ADGRE1: variants seen among roughly 807,000 people sequenced by gnomAD.
ADGRE1 encodes the protein adhesion G protein-coupled receptor E1.
A neutral mutation model predicts 102.7 loss-of-function variants in ADGRE1; 82 were observed. The ratio of observed to expected loss-of-function variants is 0.80; its 90% CI spans 0.67 to 0.96. The LOEUF (loss-of-function observed/expected upper bound fraction) is 0.96, where lower values mean the gene tolerates loss of function less well. ADGRE1 is among the 40% of genes least tolerant of loss of function. ADGRE1 has a pLI of 0.00. For missense variants in ADGRE1, 1,032 were observed against 1,085.3 expected, an observed-to-expected ratio of 0.95 and a Z score of 0.69; for synonymous variants, 398 against 399.6, an observed-to-expected ratio of 1.00 and a Z score of 0.05.
chr19:6,940,152 A>G lies in ADGRE1; in HGVS notation c.*123A>G. On this transcript the variant is annotated 3_prime_UTR_variant, in exon 21 of 21. Transcript: ENST00000312053. ...AAATGAGGATCCCACCAGCCCCAGAACCCTCTGGGGAAGAATGTTGGGGGC... is the reference window on the plus strand; with the variant it reads ...AAATGAGGATCCCACCAGCCCCAGAGCCCTCTGGGGAAGAATGTTGGGGGC... 3 of 1,166,442 alleles carry G rather than the reference A, an allele frequency of 2.6e-6. No homozygotes were observed. Among genetic ancestry groups the G allele is most frequent in the Non-Finnish European group, 3.8e-6 (3 of 799,732 alleles). 72.3% of individuals were successfully genotyped at this position (1,166,442 alleles called of 1,614,324 possible).
At chr19:6,925,013 T>G in intron 15 of ADGRE1, 141 bp downstream of exon 15, 2 of 758,872 alleles carry the variant, frequency 2.6e-6, no homozygotes, top group Non-Finnish European at 4.2e-6. Context: ...TAACACTCAC[T>G]TCCCAGCTTC....
intron 16 of ADGRE1, among the ~76,000 whole-genome samples, chr19:6,926,886 G>A (rs1452982911): frequency 1.3e-5 from 2 of 151,950 alleles, no homozygotes; most frequent in African/African-American, 4.8e-5. Context: ...CATGGGGGGT[G>A]GTGGGGGTGA....
In ADGRE1 at chr19:6,890,547, AGTT is replaced by A. The variant is rs1311813414; in HGVS notation, c.94+6_94+8del. On this transcript the variant is annotated splice_donor_5th_base_variant and intron_variant, in intron 2 of 20. Transcript: ENST00000312053. ...ACACGGAAACCAAACACAAAGGGTA[AGTT>A]GGCCAGAGAGAATGCAGATGCCTGA... 2.5e-6 allele frequency: 4 copies of A among 1,612,908 alleles called. No individual in the cohort carries two copies. The highest frequency in any genetic ancestry group is 1.7e-5 in the Admixed American group (1 of 59,734).
intron 10 of ADGRE1, among the ~76,000 whole-genome samples, chr19:6,912,152 A>G (rs908051863): frequency 5.3e-5 from 8 of 152,102 alleles, no homozygotes; most frequent in African/African-American, 1.4e-4. Flanking sequence ...GCATACATAG[A>G]CATACACAGA....
At chr19:6,913,290 T>A (rs1165007634) in intron 10 of ADGRE1, among the ~76,000 whole-genome samples, 2 of 152,162 alleles carry the variant, frequency 1.3e-5, no homozygotes, top group Non-Finnish European at 2.9e-5. Context: ...GTGATTCTCC[T>A]GCCTCAGCCT....
chr19:6,902,539 C>G (rs1181357835), intron 6 of ADGRE1, among the ~76,000 whole-genome samples: 3 of 151,770 alleles, frequency 2.0e-5, no homozygotes, highest in African/African-American at 7.3e-5. Context: ...CTCCTGGGTT[C>G]AAGCAATTCT....
chr19:6,897,791 C>T, intron 5 of ADGRE1: 1 of 272,552 alleles, frequency 3.7e-6, no homozygotes. Context: ...AATTTTTTAT[C>T]TGGTTTAACA....
Position 6,905,501 on chromosome 19 carries a change from C to T in ADGRE1, c.950-932C>T, listed in dbSNP as rs969272895. On this transcript the variant is annotated intron_variant, in intron 8 of 20. Coordinates refer to ENST00000312053, the MANE Select transcript of ADGRE1 (RefSeq NM_001974.5). ...CCGAGTAGCTAGGATTACAGGTGCCCATCACCACACCCAGCTAATTTTTGT... is the reference window on the plus strand; with the variant it reads ...CCGAGTAGCTAGGATTACAGGTGCCTATCACCACACCCAGCTAATTTTTGT... Among the ~76,000 whole-genome samples the T allele has an allele frequency of 3.9e-5, 6 of 152,024 alleles. 1 individual carries two copies. The highest frequency in any genetic ancestry group is 6.5e-5 in the Admixed American group (1 of 15,270).
In ADGRE1 at chr19:6,921,240, G is replaced by A. The variant is rs553961291; in HGVS notation, c.1621-473G>A. 6.3e-4 allele frequency among the ~76,000 whole-genome samples: 96 copies of A among 152,282 alleles called. 1 individual carries two copies. In the South Asian group the frequency reaches 0.019, roughly 30 times the overall value. On this transcript the variant is annotated intron_variant, in intron 13 of 20. Transcript: ENST00000312053. ...AGTTCAATACTGGTCTGGCCAACAT[G>A]GTAAAACCCCGTCTCTACTAAAAGT... is the stretch of plus-strand genomic sequence containing the variant.
chr19:6,896,167 C>T, intron 2 of ADGRE1: 1 of 462,480 alleles, frequency 2.2e-6, no homozygotes, highest in Non-Finnish European at 3.9e-6. Context: ...CTGTGGCCCA[C>T]CCTACTCCAG....
At chr19:6,917,274 A>C (rs1974426708) in intron 12 of ADGRE1, among the ~76,000 whole-genome samples, 1 of 152,254 alleles carries the variant, frequency 6.6e-6, no homozygotes, top group Non-Finnish European at 1.5e-5. Context: ...CACAGTGTGC[A>C]ATATGGAAGA....
chr19:6,924,489 T>C (rs1263986342), intron 14 of ADGRE1, among the ~76,000 whole-genome samples, 189 bp from the exon 15 acceptor site: 1 of 152,110 alleles, frequency 6.6e-6, no homozygotes, highest in Non-Finnish European at 1.5e-5. Flanking sequence ...GGACTGGGAA[T>C]AGGTGCTGGT....
chr19:6,897,297 C>T lies in ADGRE1; in HGVS notation c.387C>T (p.Ser129=), dbSNP rs773350274. 6.2e-7 allele frequency: 1 copy of T among 1,613,846 alleles called. No homozygotes were observed. ...TCCCAGGAAAGCCGGGCAATTTCTC[C>T]TGTACTGGTAATGCTCTCAGGTTCC... ...DWVPGKPGNF[S]CTDINECLTS... is the part of the protein sequence containing the mutation. The change falls in exon 4 of 21, where the codon TCC becomes TCT. Residue 129 remains serine (S), a synonymous_variant. Coordinates refer to ENST00000312053, the MANE Select transcript of ADGRE1 (RefSeq NM_001974.5).
chr19:6,930,638 T>C (rs977904294), intron 17 of ADGRE1, among the ~76,000 whole-genome samples: 4 of 152,132 alleles, frequency 2.6e-5, no homozygotes, highest in African/African-American at 9.7e-5. Context: ...TTGTTTGGTT[T>C]ATTTTTATTT....
At chr19:6,913,528 A>G (rs1396226843) in intron 10 of ADGRE1, 125 bp from the exon 11 acceptor site, 16 of 852,386 alleles carry the variant, frequency 1.9e-5, no homozygotes, top group Admixed American at 3.6e-5. Flanking sequence ...AAGGAGCCCG[A>G]GTGGATGCCC....
intron 8 of ADGRE1, among the ~76,000 whole-genome samples, chr19:6,905,873 T>C (rs1240617606): frequency 9.2e-5 from 14 of 152,186 alleles, no homozygotes; most frequent in Non-Finnish European, 1.0e-4. Context: ...CTCCTATATG[T>C]TTCTTCTCCA....
In ADGRE1 at chr19:6,890,513, A is replaced by G; in HGVS notation, c.64A>G (p.Ile22Val). Residue 22 changes from isoleucine (I) to valine (V), a missense_variant, in exon 2 of 21, where the codon ATA (isoleucine) becomes GTA (valine). By Grantham distance (29) the Ile-to-Val change is conservative. Transcript: ENST00000312053. ...CCVMHSWEGH[I>V]RPTRKPNTKG... ...TGTTATGCACAGCTGGGAAGGGCAC[A>G]TAAGACCCACACGGAAACCAAACAC... is the stretch of plus-strand genomic sequence containing the variant. 2 of 1,609,796 alleles carry G rather than the reference A, an allele frequency of 1.2e-6. No individual in the cohort carries two copies. The highest frequency in any genetic ancestry group is 1.7e-6 in the Non-Finnish European group (2 of 1,179,336).
At chr19:6,897,944 TC>T (rs1244061824) in intron 5 of ADGRE1, 2 of 182,306 alleles carry the variant, frequency 1.1e-5, no homozygotes, top group East Asian at 3.0e-4. Context: ...CTTCCTTCCT[TC>T]CTTCCTTCCT....
chr19:6,939,934 A>G, intron 20 of ADGRE1, 90 bp from the exon 21 acceptor site: 1 of 1,375,898 alleles, frequency 7.3e-7, no homozygotes, highest in Non-Finnish European at 1.0e-6. Context: ...CTGTATTTTT[A>G]ATACTTCTGT....
Sources: gnomAD v4.1 joint callset for allele counts (sites outside exome capture counted in the v4.1 genomes callset) on GRCh38, gnomAD v4.1.1 for gene constraint, MANE v1.5 for transcripts, NCBI Gene and HGNC (gene_info 2026-07-23, HGNC 2026-07-21) for gene names.